Variants in MCPH1 observed in about 807,000 individuals in gnomAD.
MCPH1 encodes microcephalin 1, also known as microcephalin.
In MCPH1, 104 loss-of-function variants were observed where a neutral mutation model predicts 84.5. That is an observed-to-expected ratio of 1.23 (90% CI 1.05 to 1.45). The LOEUF is 1.45. Among genes scored for constraint, MCPH1 ranks in the 40% most tolerant of loss-of-function variants. MCPH1 has a pLI of 0.00. For missense variants in MCPH1, 1,498 were observed against 1,005.7 expected (o/e 1.49, Z -6.62); for synonymous variants, 514 against 366.8 (o/e 1.40, Z -4.58).
Position 6,477,591 on chromosome 8 carries a change from T to C in MCPH1, c.1936-3T>C. 1 of 1,612,478 alleles carries C rather than the reference T, an allele frequency of 6.2e-7. No individual in the cohort carries two copies. The highest frequency in any genetic ancestry group is 8.5e-7 in the Non-Finnish European group (1 of 1,178,984). On this transcript the variant is annotated splice_polypyrimidine_tract_variant and splice_region_variant and intron_variant, in intron 9 of 13. Coordinates refer to ENST00000344683, the MANE Select transcript of MCPH1 (RefSeq NM_024596.5). ...TTTGTTCCTTCTTGTTTGAAATCTC[T>C]AGCCAACAAGAACATTAGTCATGAC... is the stretch of plus-strand genomic sequence containing the variant.
rs181374210 is a variant in MCPH1, at chr8:6,534,628, G to T, written c.2214+34699G>T. Among the ~76,000 whole-genome samples, 57 of 152,068 alleles carry T rather than the reference G, an allele frequency of 3.7e-4. 1 individual carries two copies. The East Asian group carries it at 9.1e-3, about 24-fold the overall frequency. ...TAGACCACTACTTTAAAAAATTAAA[G>T]TATTAAAAAATTTTTAAAAATTTAA... is the stretch of plus-strand genomic sequence containing the variant. On this transcript the variant is annotated intron_variant, in intron 12 of 13. Transcript: ENST00000344683.
At chr8:6,561,129 C>A (rs138339436) in intron 12 of MCPH1, among the ~76,000 whole-genome samples, 87 of 152,316 alleles carry the variant, frequency 5.7e-4, no homozygotes, top group African/African-American at 2.1e-3. Flanking sequence ...TGTGTTGCTG[C>A]ATACTTTTTA....
At chr8:6,602,105 G>A (rs533100565) in intron 12 of MCPH1, among the ~76,000 whole-genome samples, 2 of 152,180 alleles carry the variant, frequency 1.3e-5, no homozygotes, top group Non-Finnish European at 2.9e-5. Flanking sequence ...AAATGGAATC[G>A]GATTGGAAGG....
chr8:6,574,750 G>C (rs977259136), intron 12 of MCPH1, among the ~76,000 whole-genome samples: 17 of 152,166 alleles, frequency 1.1e-4, no homozygotes, highest in Non-Finnish European at 1.9e-4. Context: ...AGAGAGACGA[G>C]ATAAGGACCA....
At chr8:6,610,778 C>G (rs1001816439) in intron 12 of MCPH1, among the ~76,000 whole-genome samples, 1 of 151,998 alleles carries the variant, frequency 6.6e-6, no homozygotes, top group Non-Finnish European at 1.5e-5. Flanking sequence ...TTCATACACT[C>G]GAGACAACTT....
At chr8:6,557,816 G>C (rs1432196838) in intron 12 of MCPH1, among the ~76,000 whole-genome samples, 5 of 152,098 alleles carry the variant, frequency 3.3e-5, no homozygotes, top group African/African-American at 1.2e-4. Context: ...AAAACAGTCT[G>C]TCCGTGTTCA....
intron 12 of MCPH1, among the ~76,000 whole-genome samples, chr8:6,542,556 A>G (rs1475513399): frequency 6.6e-6 from 1 of 151,894 alleles, no homozygotes. Flanking sequence ...CCAACACCCC[A>G]TCCCGCACTC....
intron 12 of MCPH1, among the ~76,000 whole-genome samples, chr8:6,559,343 C>A (rs1189758238): frequency 6.6e-6 from 1 of 152,048 alleles, no homozygotes; most frequent in African/African-American, 2.4e-5. Flanking sequence ...CCAGTGACGG[C>A]AGCTATGTTT....
chr8:6,432,883 C>T (rs1005904878), intron 4 of MCPH1, among the ~76,000 whole-genome samples: 2 of 152,212 alleles, frequency 1.3e-5, no homozygotes, highest in African/African-American at 4.8e-5. Flanking sequence ...GTAGTACATA[C>T]ATATTTTCTT....
chr8:6,506,959 G>A lies in MCPH1; in HGVS notation c.2214+7030G>A, dbSNP rs923220161. On this transcript the variant is annotated intron_variant, in intron 12 of 13. Transcript: ENST00000344683. Reference sequence around the variant, plus strand: ...GTCGTCCAGGCTGGATTGTACTGGTGCGATCTCGGCTCATTGCAAACTCTG... The same window carrying A: ...GTCGTCCAGGCTGGATTGTACTGGTACGATCTCGGCTCATTGCAAACTCTG... 1.8e-4 allele frequency among the ~76,000 whole-genome samples: 27 copies of A among 151,688 alleles called. 1 individual carries two copies. Among genetic ancestry groups the A allele is most frequent in the African/African-American group, 6.3e-4 (26 of 41,334 alleles).
At chr8:6,513,976 A>G (rs1000225212) in intron 12 of MCPH1, 1 of 868,116 alleles carries the variant, frequency 1.2e-6, no homozygotes, top group African/African-American at 1.7e-5. Context: ...GTGACAATTT[A>G]GGGTCCTTCC....
At chr8:6,532,791 G>A (rs1035793225) in intron 12 of MCPH1, among the ~76,000 whole-genome samples, 48 of 152,264 alleles carry the variant, frequency 3.2e-4, no homozygotes, top group Middle Eastern at 6.8e-3. Context: ...GGGTGGTGAG[G>A]GCAGCCACAG....
At chr8:6,525,802 A>G (rs1818218504) in intron 12 of MCPH1, among the ~76,000 whole-genome samples, 1 of 152,240 alleles carries the variant, frequency 6.6e-6, no homozygotes, top group African/African-American at 2.4e-5. Context: ...ACAAAAAAAT[A>G]CGATTTCTAC....
In MCPH1 at chr8:6,645,974, T is replaced by C. The variant is rs191654688; in HGVS notation, c.*2925T>C. On this transcript the variant is annotated 3_prime_UTR_variant, in exon 14 of 14. Coordinates refer to ENST00000344683, the MANE Select transcript of MCPH1 (RefSeq NM_024596.5). ...TGACGTATAGATTCAATGCAATCCA[T>C]TAAAATCTCAGATGGCTTTTTATAG... The C allele has an allele frequency of 1.2e-4, 18 of 152,342 alleles. No homozygotes were observed. The highest frequency in any genetic ancestry group is 4.1e-4 in the African/African-American group (17 of 41,578). The allele number at this position is 152,342 out of a possible 1,614,324, so 9.4% of individuals were successfully genotyped here. A position where few individuals can be genotyped will look rare whatever the true frequency, so the allele number is the denominator to read the frequency against.
At chr8:6,546,646 A>T (rs1822626531) in intron 12 of MCPH1, among the ~76,000 whole-genome samples, 1 of 152,214 alleles carries the variant, frequency 6.6e-6, no homozygotes, top group Non-Finnish European at 1.5e-5. Flanking sequence ...AATACAAGCA[A>T]CTGTTGGCCT....
chr8:6,452,164 C>T (rs1349416685), intron 8 of MCPH1, among the ~76,000 whole-genome samples: 2 of 152,174 alleles, frequency 1.3e-5, no homozygotes, highest in Non-Finnish European at 2.9e-5. Flanking sequence ...CTGGATCTGG[C>T]TCCAAAGTGA....
chr8:6,586,065 A>T (rs10098352), intron 12 of MCPH1, among the ~76,000 whole-genome samples: 32,926 of 151,854 alleles, frequency 0.22, 3,687 homozygotes, highest in South Asian at 0.31. Context: ...GGTTCAAGTG[A>T]TCCTTGTACT....
At chr8:6,609,235 A>G (rs1290536061) in intron 12 of MCPH1, among the ~76,000 whole-genome samples, 2 of 152,252 alleles carry the variant, frequency 1.3e-5, no homozygotes, top group Non-Finnish European at 2.9e-5. Flanking sequence ...TCTCGGCAGC[A>G]TGCTGCTGAC....
intron 12 of MCPH1, among the ~76,000 whole-genome samples, chr8:6,600,951 A>T (rs1015467638): frequency 5.9e-5 from 9 of 152,198 alleles, no homozygotes; most frequent in Admixed American, 2.6e-4. Flanking sequence ...GAATCGCTAA[A>T]CACAGCAGTG....
Sources: allele counts gnomAD v4.1 joint callset (sites outside exome capture counted in the v4.1 genomes callset), GRCh38; gene constraint gnomAD v4.1.1; transcripts MANE v1.5; gene names NCBI Gene and HGNC (gene_info 2026-07-23, HGNC 2026-07-21).